The following WDR7 variants were observed in gnomAD, a reference collection of about 807,000 sequenced individuals.
WDR7 encodes the protein WD repeat-containing protein 7.
WDR7 carries 46 observed loss-of-function variants against 169.4 expected under a neutral mutation model. The observed-to-expected ratio is 0.27, with a 90% CI of 0.21 to 0.35. The LOEUF (loss-of-function observed/expected upper bound fraction) is 0.35. Among genes scored for constraint, WDR7 ranks in the 10% least tolerant of loss-of-function variants. WDR7 has a pLI of 1.00. For missense variants in WDR7, 1,534 were observed against 1,859.3 expected, an observed-to-expected ratio of 0.83 and a Z score of 3.22; for synonymous variants, 612 against 666.8, an observed-to-expected ratio of 0.92 and a Z score of 1.27.
At chr18:56,708,515 T>G (rs1166950850) in intron 12 of WDR7, among the ~76,000 whole-genome samples, 1 of 152,180 alleles carries the variant, frequency 6.6e-6, no homozygotes. Flanking sequence ...AGGCAGTCTT[T>G]TTTCAGAAGG....
intron 26 of WDR7, among the ~76,000 whole-genome samples, chr18:57,015,532 A>G (rs2048194244): frequency 6.6e-6 from 1 of 152,152 alleles, no homozygotes; most frequent in African/African-American, 2.4e-5. Context: ...CTTGCCTAAC[A>G]GAGCTGTCAG....
chr18:57,036,400 C>T, the WDR7 span: 1 of 152,260 alleles, frequency 6.6e-6, no homozygotes, highest in Non-Finnish European at 1.5e-5. Context: ...ACCCAATAAC[C>T]CATCATGGGG....
chr18:56,681,963 C>G (rs948342196), intron 4 of WDR7, among the ~76,000 whole-genome samples: 26 of 152,080 alleles, frequency 1.7e-4, no homozygotes, highest in African/African-American at 5.3e-4. Context: ...ATTCTCTGTA[C>G]TTCAGTTTAC....
chr18:56,657,379 CCT>C (rs1292870933), intron 1 of WDR7, among the ~76,000 whole-genome samples: 1 of 152,040 alleles, frequency 6.6e-6, no homozygotes, highest in Admixed American at 6.5e-5. Context: ...AAACTCCTGA[CCT>C]CAGGTTATCC....
chr18:57,031,454 A>T (rs2145967267), downstream of WDR7: 1 of 152,322 alleles, frequency 6.6e-6, no homozygotes, highest in East Asian at 1.9e-4. Flanking sequence ...TTTCCTACTG[A>T]TAAGAAAACT....
intron 20 of WDR7, among the ~76,000 whole-genome samples, chr18:56,828,092 A>C (rs1312752478): frequency 6.6e-6 from 1 of 152,190 alleles, no homozygotes; most frequent in African/African-American, 2.4e-5. Context: ...AGTGGTGTTT[A>C]TTCTAGGTAG....
chr18:56,699,972 T>A (rs939730852), intron 12 of WDR7: 1 of 770,422 alleles, frequency 1.3e-6, no homozygotes, highest in African/African-American at 1.9e-5. Context: ...TTTTAATATC[T>A]TTTTATCTAA....
intron 14 of WDR7, among the ~76,000 whole-genome samples, chr18:56,743,898 G>A (rs1212672608): frequency 1.3e-5 from 2 of 152,102 alleles, no homozygotes; most frequent in African/African-American, 2.4e-5. Flanking sequence ...GTAAAGGGAA[G>A]GAAGGCAGTT....
chr18:56,748,682 A>G (rs900055672), intron 14 of WDR7, among the ~76,000 whole-genome samples: 2 of 152,140 alleles, frequency 1.3e-5, no homozygotes, highest in African/African-American at 2.4e-5. Context: ...GTCAAATAAC[A>G]TGAAGTCTGT....
intron 4 of WDR7, 41 bp downstream of exon 4, chr18:56,681,432 A>C (rs763197203): frequency 4.0e-6 from 5 of 1,254,156 alleles, no homozygotes; most frequent in Non-Finnish European, 5.5e-6. Context: ...AAACTATTAT[A>C]AGTATATAAT....
intron 26 of WDR7, among the ~76,000 whole-genome samples, chr18:57,016,439 A>G (rs536068637): frequency 5.3e-5 from 8 of 152,146 alleles, no homozygotes; most frequent in South Asian, 2.1e-4. Flanking sequence ...TCCCCCTTAA[A>G]GAAAAAAAAA....
At chr18:56,904,849 G>A (rs955653639) in intron 21 of WDR7, among the ~76,000 whole-genome samples, 2 of 152,070 alleles carry the variant, frequency 1.3e-5, no homozygotes, top group Non-Finnish European at 2.9e-5. Flanking sequence ...ATGAACTAGA[G>A]AACATTAACA....
intron 12 of WDR7, among the ~76,000 whole-genome samples, chr18:56,698,988 T>C (rs2025766211): frequency 6.6e-6 from 1 of 152,294 alleles, no homozygotes; most frequent in East Asian, 1.9e-4. Context: ...CAAATTTACC[T>C]GTATAACAAA....
At chr18:56,742,634 A>C (rs1025475042) in intron 14 of WDR7, among the ~76,000 whole-genome samples, 3 of 152,230 alleles carry the variant, frequency 2.0e-5, no homozygotes, top group African/African-American at 7.2e-5. Flanking sequence ...ACACTCAGAT[A>C]AATACAATTG....
chr18:57,020,654 G>A (rs1259032639), intron 26 of WDR7, 91 bp from the exon 27 acceptor site: 10 of 1,172,562 alleles, frequency 8.5e-6, no homozygotes, highest in African/African-American at 3.1e-5. Context: ...TACCCATGAC[G>A]TAACTTGTTC....
At chr18:56,752,953 A>G (rs1359484663) in intron 14 of WDR7, among the ~76,000 whole-genome samples, 2 of 152,212 alleles carry the variant, frequency 1.3e-5, no homozygotes, top group South Asian at 2.1e-4. Context: ...TGAAAGTACA[A>G]GTGGTTTGAT....
At chr18:57,001,047 A>AAGAGAGAGAGAGAGAGAG (rs10536689) in intron 26 of WDR7, among the ~76,000 whole-genome samples, 2 of 129,422 alleles carry the variant, frequency 1.5e-5, no homozygotes, top group African/African-American at 6.4e-5. Context: ...ATCTCTACAA[A>AAGAGAGAGAGAGAGAGAG]AGAGAGAGAG....
chr18:56,783,488 G>A (rs1477326494), intron 19 of WDR7, among the ~76,000 whole-genome samples: 5 of 152,102 alleles, frequency 3.3e-5, no homozygotes, highest in Non-Finnish European at 7.4e-5. Flanking sequence ...GTTTGAAGGT[G>A]AAAATAGGCA....
chr18:56,837,144 G>A (rs181437145), intron 20 of WDR7, among the ~76,000 whole-genome samples: 30 of 152,300 alleles, frequency 2.0e-4, no homozygotes, highest in Middle Eastern at 3.4e-3. Flanking sequence ...AAAAACAAAC[G>A]TGACCATTGC....
Sources: gnomAD v4.1 joint callset for allele counts (sites outside exome capture counted in the v4.1 genomes callset) on GRCh38, gnomAD v4.1.1 for gene constraint, MANE v1.5 for transcripts, NCBI Gene and HGNC (gene_info 2026-07-23, HGNC 2026-07-21) for gene names.